Variants in PCDH15 observed in about 807,000 individuals in gnomAD.
PCDH15 encodes protocadherin-15.
PCDH15 carries 129 observed loss-of-function variants against 178.5 expected under a neutral mutation model. That is an observed-to-expected ratio of 0.72 (90% CI 0.63 to 0.84). PCDH15 has a LOEUF of 0.84. PCDH15 is among the 40% of genes least tolerant of loss of function. The pLI is 0.00. For synonymous variants in PCDH15, 800 were observed against 732.0 expected (o/e 1.09, Z -1.50); for missense variants, 2,230 against 2,099.9 (o/e 1.06, Z -1.21).
chr10:53,962,835 A>G (rs992115540), intron 21 of PCDH15, among the ~76,000 whole-genome samples: 1 of 152,190 alleles, frequency 6.6e-6, no homozygotes, highest in Non-Finnish European at 1.5e-5. Flanking sequence ...TAGGTTTCAG[A>G]TTGGTTTCCT....
Position 53,803,470 on chromosome 10 carries a change from T to TAA in PCDH15, c.*3107_*3108dup, listed in dbSNP as rs1437431004. On this transcript the variant is annotated 3_prime_UTR_variant, in exon 38 of 38. Coordinates refer to ENST00000644397, the MANE Select transcript of PCDH15 (RefSeq NM_001384140.1). The stretch of plus-strand genomic sequence containing the variant: ...ATCACCTTTGGAACAACCACTTAAG[T>TAA]AAATAATAGTCTTTAACATCCCTGT... The TAA allele has an allele frequency of 6.6e-6, 1 of 151,996 alleles. No homozygotes were observed. Among genetic ancestry groups the TAA allele is most frequent in the Non-Finnish European group, 1.5e-5 (1 of 67,920 alleles). The allele number at this position is 151,996 out of a possible 1,614,324, so 9.4% of individuals were successfully genotyped here. A position where few individuals can be genotyped will look rare whatever the true frequency, so the allele number is the denominator to read the frequency against.
At chr10:54,604,053 T>A (rs1005654389) in intron 2 of PCDH15, among the ~76,000 whole-genome samples, 1 of 141,974 alleles carries the variant, frequency 7.0e-6, no homozygotes, top group Non-Finnish European at 1.5e-5. Flanking sequence ...AAGAGTGTAT[T>A]GTTTAGCTTC....
intron 17 of PCDH15, among the ~76,000 whole-genome samples, chr10:54,077,789 G>A (rs187746039): frequency 1.7e-4 from 26 of 152,270 alleles, no homozygotes; most frequent in Middle Eastern, 6.8e-3. Flanking sequence ...CAGGCTGGGC[G>A]CAGTGGCTCA....
intron 15 of PCDH15, among the ~76,000 whole-genome samples, chr10:54,124,294 T>G (rs571015610): frequency 6.6e-6 from 1 of 152,274 alleles, no homozygotes; most frequent in East Asian, 1.9e-4. Context: ...GTCAAATTAA[T>G]AGAGACAGAA....
At chr10:54,828,553 A>G (rs1953169070) in intron 3 of PCDH15, among the ~76,000 whole-genome samples, 1 of 152,002 alleles carries the variant, frequency 6.6e-6, no homozygotes, top group Non-Finnish European at 1.5e-5. Flanking sequence ...ATAGATAGAA[A>G]TAATGGTAAT....
intron 1 of PCDH15, among the ~76,000 whole-genome samples, chr10:54,748,599 C>G (rs1945783921): frequency 6.6e-6 from 1 of 152,088 alleles, no homozygotes; most frequent in African/African-American, 2.4e-5. Flanking sequence ...GATAAAGCAC[C>G]ATCCCTTTAC....
chr10:55,062,957 T>A (rs1841473427), intron 2 of PCDH15, among the ~76,000 whole-genome samples: 1 of 152,098 alleles, frequency 6.6e-6, no homozygotes, highest in African/African-American at 2.4e-5. Context: ...AAAAGATGTA[T>A]GTGAATTGCC....
chr10:54,171,469 T>A (rs185550442), intron 13 of PCDH15, among the ~76,000 whole-genome samples: 3 of 152,260 alleles, frequency 2.0e-5, no homozygotes, highest in African/African-American at 7.2e-5. Flanking sequence ...AACTTAAGAC[T>A]GTGCCCCCCA....
chr10:55,076,098 G>A (rs181846990), intron 2 of PCDH15, among the ~76,000 whole-genome samples: 3 of 152,202 alleles, frequency 2.0e-5, no homozygotes, highest in Admixed American at 2.0e-4. Context: ...TGTCTGAGAA[G>A]ACACTTGACA....
intron 3 of PCDH15, among the ~76,000 whole-genome samples, chr10:54,876,589 A>G (rs1384062777): frequency 6.6e-6 from 1 of 152,170 alleles, no homozygotes. Context: ...CTTGATTCCA[A>G]CTTCATGAAT....
At chr10:53,908,556 C>T (rs1021418001) in intron 25 of PCDH15, among the ~76,000 whole-genome samples, 1 of 152,158 alleles carries the variant, frequency 6.6e-6, no homozygotes, top group Non-Finnish European at 1.5e-5. Context: ...GGCCTCTGTT[C>T]CTGACATTCT....
intron 7 of PCDH15, 82 bp downstream of exon 7, chr10:54,329,514 T>G (rs1047752562): frequency 7.5e-5 from 78 of 1,034,746 alleles, no homozygotes; most frequent in Non-Finnish European, 1.1e-4. Flanking sequence ...CACAGAGCTC[T>G]CCAAGAGTAT....
intron 6 of PCDH15, among the ~76,000 whole-genome samples, chr10:54,343,560 T>G (rs1225112388): frequency 6.6e-6 from 1 of 152,002 alleles, no homozygotes; most frequent in Non-Finnish European, 1.5e-5. Context: ...CAGCAACTAT[T>G]TATTCCCAAA....
chr10:54,660,997 C>T (rs1176296848), intron 2 of PCDH15, among the ~76,000 whole-genome samples: 2 of 151,846 alleles, frequency 1.3e-5, no homozygotes, highest in African/African-American at 2.4e-5. Flanking sequence ...AAACCCACAA[C>T]TAATATCATA....
At chr10:55,433,457 T>G (rs531135513) in intron 2 of PCDH15, among the ~76,000 whole-genome samples, 1 of 152,262 alleles carries the variant, frequency 6.6e-6, no homozygotes, top group Non-Finnish European at 1.5e-5. Context: ...ATCAAAAAAC[T>G]ACCTATTGGG....
At chr10:55,132,630 G>T (rs148592353) in intron 2 of PCDH15, among the ~76,000 whole-genome samples, 22 of 151,948 alleles carry the variant, frequency 1.4e-4, no homozygotes, top group South Asian at 8.3e-4. Context: ...AAATGTAAAA[G>T]AATTTAAAAA....
chr10:54,481,159 C>A (rs1258961377), intron 3 of PCDH15, among the ~76,000 whole-genome samples: 1 of 151,870 alleles, frequency 6.6e-6, no homozygotes, highest in African/African-American at 2.4e-5. Flanking sequence ...ATATGAATAG[C>A]ACAGTCATAT....
chr10:54,614,873 G>T (rs2093079801), intron 2 of PCDH15, among the ~76,000 whole-genome samples: 1 of 151,982 alleles, frequency 6.6e-6, no homozygotes. Context: ...GTTTCTAATA[G>T]TTGTGATGAG....
At chr10:55,264,146 A>G (rs1370068601) in intron 1 of PCDH15, among the ~76,000 whole-genome samples, 1 of 152,142 alleles carries the variant, frequency 6.6e-6, no homozygotes, top group East Asian at 1.9e-4. Flanking sequence ...GTCAGGGCTT[A>G]TTTGAGACAC....
Sources: gnomAD v4.1 joint callset for allele counts (sites outside exome capture counted in the v4.1 genomes callset) on GRCh38, gnomAD v4.1.1 for gene constraint, MANE v1.5 for transcripts, NCBI Gene and HGNC (gene_info 2026-07-23, HGNC 2026-07-21) for gene names.